TANC2: variants seen among roughly 807,000 people sequenced by gnomAD.
TANC2 encodes protein TANC2.
In TANC2, 26 loss-of-function variants were observed where a neutral mutation model predicts 210.5. The ratio of observed to expected loss-of-function variants is 0.12; its 90% CI spans 0.09 to 0.17. The LOEUF (loss-of-function observed/expected upper bound fraction) is 0.17. TANC2 is among the 10% of genes least tolerant of loss of function. The probability of loss-of-function intolerance (pLI) is 1.00; values close to 1 mark genes in which losing one functional copy is unlikely to be tolerated. For synonymous variants in TANC2, 931 were observed against 967.1 expected, an observed-to-expected ratio of 0.96 and a Z score of 0.69; for missense variants, 2,129 against 2,608.9, an observed-to-expected ratio of 0.82 and a Z score of 4.01.
chr17:63,377,083 G>C (rs924083543), intron 14 of TANC2, among the ~76,000 whole-genome samples: 1 of 152,182 alleles, frequency 6.6e-6, no homozygotes, highest in Non-Finnish European at 1.5e-5. Context: ...TGGAACGCAA[G>C]ATACAAAGTC....
intron 1 of TANC2, among the ~76,000 whole-genome samples, chr17:62,967,961 A>G (rs897078488): frequency 2.0e-5 from 3 of 152,224 alleles, no homozygotes; most frequent in African/African-American, 4.8e-5. Flanking sequence ...AACGTTAAAC[A>G]TTCTCTTTCT....
chr17:63,304,305 G>A (rs1204756409), intron 9 of TANC2, among the ~76,000 whole-genome samples: 1 of 152,138 alleles, frequency 6.6e-6, no homozygotes, highest in East Asian at 1.9e-4. Context: ...ATTGCTTTCT[G>A]TTTGTTTTTC....
At chr17:63,133,020 C>T (rs2038970819) in intron 4 of TANC2, among the ~76,000 whole-genome samples, 1 of 152,178 alleles carries the variant, frequency 6.6e-6, no homozygotes, top group South Asian at 2.1e-4. Context: ...GTCTCTCAGG[C>T]TGGAGGGCAG....
chr17:63,164,147 T>C (rs1359542136), intron 5 of TANC2, among the ~76,000 whole-genome samples: 2 of 150,666 alleles, frequency 1.3e-5, no homozygotes, highest in Non-Finnish European at 3.0e-5. Context: ...TTTTTTTTTT[T>C]TGTAAGAGAC....
rs1214077807 is a variant in TANC2 at position 62,966,486 on chromosome 17, C to T, written c.-287C>T. On this transcript the variant is annotated 5_prime_UTR_variant, in exon 1 of 28. Coordinates refer to ENST00000689528, the Ensembl canonical transcript of TANC2. The surrounding 1 kb of genome is among the most constrained non-coding windows in gnomAD (Gnocchi z 5.1). Reference sequence around the variant, plus strand: ...CGGCTGTGCCGCGCGCTAGGCGGAGCGAGGCGCCCGCCGCCGCCGAGCCGA... The same window carrying T: ...CGGCTGTGCCGCGCGCTAGGCGGAGTGAGGCGCCCGCCGCCGCCGAGCCGA... Among the ~76,000 whole-genome samples, 1 of 148,676 alleles carries T rather than the reference C, an allele frequency of 6.7e-6. No homozygotes were observed. Among genetic ancestry groups the T allele is most frequent in the African/African-American group, 2.4e-5 (1 of 41,058 alleles).
chr17:63,110,655 G>T lies in TANC2; in HGVS notation c.322+11298G>T, dbSNP rs1422171943. Among the ~76,000 whole-genome samples the T allele has an allele frequency of 2.0e-5, 3 of 152,172 alleles. No homozygotes were observed. The East Asian group carries it at 5.8e-4, about 29-fold the overall frequency. Reference sequence around the variant, plus strand: ...AGGTGTGACATAACCTAACTCTGTAGCCTCTTTGATAAGGTCTTAATCCCA... The same window carrying T: ...AGGTGTGACATAACCTAACTCTGTATCCTCTTTGATAAGGTCTTAATCCCA... On this transcript the variant is annotated intron_variant, in intron 4 of 27. Transcript: ENST00000689528.
At chr17:63,018,489 A>AAAAT (rs975245136) in intron 2 of TANC2, among the ~76,000 whole-genome samples, 1 of 151,576 alleles carries the variant, frequency 6.6e-6, no homozygotes, top group African/African-American at 2.4e-5. Flanking sequence ...TCAAAAAAAA[A>AAAAT]AAATAAATAA....
intron 2 of TANC2, among the ~76,000 whole-genome samples, chr17:63,070,911 T>C (rs2036373297): frequency 6.6e-6 from 1 of 152,168 alleles, no homozygotes; most frequent in South Asian, 2.1e-4. Flanking sequence ...GGGTTCTTAG[T>C]TGTTTCTCAC....
At chr17:63,366,008 T>C (rs1026971035) in intron 14 of TANC2, among the ~76,000 whole-genome samples, 1 of 152,120 alleles carries the variant, frequency 6.6e-6, no homozygotes, top group African/African-American at 2.4e-5. Flanking sequence ...GCTCACTGTG[T>C]CTTCCTAATG....
At chr17:63,235,139 T>G (rs1250931062) in intron 7 of TANC2, among the ~76,000 whole-genome samples, 1 of 152,090 alleles carries the variant, frequency 6.6e-6, no homozygotes, top group Non-Finnish European at 1.5e-5. Flanking sequence ...TTTCAATTCT[T>G]TATTTGTTTT....
At chr17:63,359,507 G>A (rs143571595) in intron 14 of TANC2, among the ~76,000 whole-genome samples, 3 of 151,842 alleles carry the variant, frequency 2.0e-5, no homozygotes, top group South Asian at 2.1e-4. Flanking sequence ...TACCTTGCCC[G>A]GCTAACTTTT....
At chr17:63,404,385 G>A (rs1446923282) in intron 19 of TANC2, among the ~76,000 whole-genome samples, 3 of 152,128 alleles carry the variant, frequency 2.0e-5, no homozygotes, top group Non-Finnish European at 4.4e-5. Flanking sequence ...AGTGGACAGT[G>A]GCACAAAAAG....
At chr17:63,358,376 A>AGTGTGTGTGTGTGTGTGTGTGT (rs1555641221) in intron 14 of TANC2, among the ~76,000 whole-genome samples, 1 of 80,942 alleles carries the variant, frequency 1.2e-5, no homozygotes, top group Admixed American at 1.4e-4. Flanking sequence ...AGAGAGAGAG[A>AGTGTGTGTGTGTGTGTGTGTGT]GTATGTGTGT....
intron 5 of TANC2, among the ~76,000 whole-genome samples, chr17:63,185,239 T>C (rs1044554762): frequency 2.0e-5 from 3 of 152,112 alleles, no homozygotes; most frequent in Non-Finnish European, 2.9e-5. Context: ...TACAAGCATG[T>C]ACCACCACAC....
intron 5 of TANC2, among the ~76,000 whole-genome samples, chr17:63,173,901 C>T (rs2040492492): frequency 6.6e-6 from 1 of 152,176 alleles, no homozygotes; most frequent in Non-Finnish European, 1.5e-5. Flanking sequence ...TAGCATAGCA[C>T]CGATGGTAGT....
intron 14 of TANC2, among the ~76,000 whole-genome samples, chr17:63,365,584 C>G (rs1409323575): frequency 6.6e-6 from 1 of 152,298 alleles, no homozygotes; most frequent in African/African-American, 2.4e-5. Flanking sequence ...CCAGATTGTT[C>G]AAAGCCCTGT....
At chr17:63,415,711 T>C in intron 26 of TANC2, 37 bp downstream of exon 26, 1 of 1,601,126 alleles carries the variant, frequency 6.2e-7, no homozygotes, top group Admixed American at 1.7e-5. Context: ...TCTGCAATCC[T>C]GGTAGCTGAT....
At chr17:63,106,480 C>T (rs1260658570) in intron 4 of TANC2, among the ~76,000 whole-genome samples, 2 of 151,532 alleles carry the variant, frequency 1.3e-5, no homozygotes, top group Non-Finnish European at 2.9e-5. Flanking sequence ...CTAAACAGTG[C>T]CTTGCTGAAG....
intron 4 of TANC2, among the ~76,000 whole-genome samples, chr17:63,139,484 C>T (rs1342918022): frequency 1.3e-5 from 2 of 152,098 alleles, no homozygotes; most frequent in East Asian, 1.9e-4. Flanking sequence ...AAAAATTAAT[C>T]GGGCTTGGTG....
Sources: allele counts gnomAD v4.1 joint callset (sites outside exome capture counted in the v4.1 genomes callset), GRCh38; gene constraint gnomAD v4.1.1; non-coding constraint Gnocchi (gnomAD v3.1); transcripts MANE v1.5; gene names NCBI Gene and HGNC (gene_info 2026-07-23, HGNC 2026-07-21).